ANKRD36B: variants seen among roughly 807,000 people sequenced by gnomAD.
ANKRD36B encodes ankyrin repeat domain 36B.
Under a neutral mutation model 135.7 loss-of-function variants are expected in ANKRD36B, and 37 were observed. The observed-to-expected ratio is 0.27, with a 90% CI of 0.21 to 0.36. The LOEUF is 0.36. ANKRD36B is among the 10% of genes least tolerant of loss of function. The probability of loss-of-function intolerance (pLI) is 1.00; values close to 1 mark genes in which losing one functional copy is unlikely to be tolerated. For missense variants in ANKRD36B, 549 were observed against 1,037.1 expected (o/e 0.53, Z 6.46); for synonymous variants, 179 against 348.1 (o/e 0.51, Z 5.41).
intron 4 of ANKRD36B, among the ~76,000 whole-genome samples, 199 bp from the exon 5 acceptor site, chr2:97,579,242 T>C (rs1297224448): frequency 6.7e-6 from 1 of 148,216 alleles, no homozygotes; most frequent in South Asian, 2.1e-4. Flanking sequence ...AAAGGAAGCC[T>C]CTTGTCCCAC....
At position 97,554,964 on chromosome 2, in the gene ANKRD36B, G is replaced by A; in HGVS notation, c.1171+96C>T. ...TCTCTGGCCTGCTGAATCAGAATGT[G>A]CAGCTTTGATGAGCCCCCCCACTGA... On this transcript the variant is annotated intron_variant, in intron 14 of 43. Transcript: ENST00000359901. 5 of 1,439,822 alleles carry A rather than the reference G, an allele frequency of 3.5e-6. No individual in the cohort carries two copies. The South Asian group carries it at 6.1e-5, about 18-fold the overall frequency. 89.2% of individuals were successfully genotyped at this position (1,439,822 alleles called of 1,614,324 possible). A position where few individuals can be genotyped will look rare whatever the true frequency, so the allele number is the denominator to read the frequency against.
At chr2:97,542,250 G>A in intron 26 of ANKRD36B, 143 bp from the exon 27 acceptor site, 1 of 324,898 alleles carries the variant, frequency 3.1e-6, no homozygotes, top group South Asian at 2.4e-5. Context: ...GTTTTGGGAT[G>A]GGAACATGAC....
At position 97,539,520 on chromosome 2, in the gene ANKRD36B, CA is replaced by C. The variant is rs1214865567; in HGVS notation, c.1987+513del. 2.1e-5 allele frequency among the ~76,000 whole-genome samples: 2 copies of C among 96,090 alleles called. 1 individual carries two copies. Among genetic ancestry groups the C allele is most frequent in the African/African-American group, 6.2e-5 (2 of 32,106 alleles). The allele number at this position is 96,090 out of a possible 152,430, so 63.0% of individuals were successfully genotyped here. On this transcript the variant is annotated intron_variant, in intron 30 of 43. Coordinates refer to ENST00000359901, the MANE Select transcript of ANKRD36B (RefSeq NM_001393939.1). ...TGAACACAAGTTTCCTCAGAAGAAA[CA>C]ACAAAATTACCTAAATAACTTCTTA...
intron 20 of ANKRD36B, among the ~76,000 whole-genome samples, chr2:97,548,781 C>G (rs1252468850): frequency 2.0e-5 from 3 of 151,910 alleles, no homozygotes; most frequent in African/African-American, 7.2e-5. Context: ...GTTTTTATGC[C>G]AATTCTAGGA....
intron 6 of ANKRD36B, among the ~76,000 whole-genome samples, chr2:97,572,357 C>T (rs1003518656): frequency 6.9e-6 from 1 of 144,510 alleles, no homozygotes; most frequent in Non-Finnish European, 1.5e-5. Flanking sequence ...AATATTCCAG[C>T]TAAGTAACAG....
Position 97,567,362 on chromosome 2 carries a change from C to A in ANKRD36B, c.764-6502G>T, listed in dbSNP as rs564775177. 8.3e-4 allele frequency among the ~76,000 whole-genome samples: 125 copies of A among 150,466 alleles called. 1 individual carries two copies. Among genetic ancestry groups the A allele is most frequent in the Non-Finnish European group, 1.5e-3 (103 of 67,580 alleles). On this transcript the variant is annotated intron_variant, in intron 6 of 43. Transcript: ENST00000359901. ...AGGCATGACTGATTAATTGAACATT[C>A]AGCCCCTCTCACATCCCAGGAGGTG... is the stretch of plus-strand genomic sequence containing the variant.
Position 97,582,915 on chromosome 2 carries a change from G to A in ANKRD36B, c.450+2029C>T, listed in dbSNP as rs2442297. Among the ~76,000 whole-genome samples, 58 of 149,372 alleles carry A rather than the reference G, an allele frequency of 3.9e-4. No individual in the cohort carries two copies. In the East Asian group the frequency reaches 9.4e-3, roughly 24 times the overall value. On this transcript the variant is annotated intron_variant, in intron 3 of 43. Coordinates refer to ENST00000359901, the MANE Select transcript of ANKRD36B (RefSeq NM_001393939.1). ...TCACCAAATGGATAATTAGTTCATA[G>A]GACTGCTGCAACTAAATTATTAAAA...
At chr2:97,562,766 A>G (rs2081142013) in intron 6 of ANKRD36B, among the ~76,000 whole-genome samples, 1 of 152,064 alleles carries the variant, frequency 6.6e-6, no homozygotes, top group Non-Finnish European at 1.5e-5. Flanking sequence ...ACATGTGAAG[A>G]TAAGGTTTTG....
At chr2:97,559,088 C>T in intron 8 of ANKRD36B, 94 bp from the exon 9 acceptor site, 1 of 1,551,374 alleles carries the variant, frequency 6.4e-7, no homozygotes, top group Non-Finnish European at 8.7e-7. Flanking sequence ...CTGTATCTTC[C>T]TGCCTGTACT....
Position 97,551,483 on chromosome 2 carries a change from G to C in ANKRD36B, c.1274-3C>G, listed in dbSNP as rs775638992. 3 of 1,607,618 alleles carry C rather than the reference G, an allele frequency of 1.9e-6. No individual in the cohort carries two copies. The African/African-American group carries it at 4.0e-5, about 22-fold the overall frequency. On this transcript the variant is annotated splice_region_variant and splice_polypyrimidine_tract_variant and intron_variant, in intron 16 of 43. Transcript: ENST00000359901. ...GGCTGGTTTTTTCTGAGAAGACACT[G>C]AAAAGCAAAAGGGATACATAATCAC...
At chr2:97,534,949 A>G (rs1435782088) in intron 34 of ANKRD36B, among the ~76,000 whole-genome samples, 3 of 97,022 alleles carry the variant, frequency 3.1e-5, no homozygotes, top group African/African-American at 9.2e-5. Flanking sequence ...CAACAGAAAA[A>G]TGGGTTCTAA....
chr2:97,527,353 A>C (rs1294143917), intron 35 of ANKRD36B, among the ~76,000 whole-genome samples: 4 of 94,732 alleles, frequency 4.2e-5, no homozygotes, highest in African/African-American at 1.3e-4. Context: ...CAAGCAAATG[A>C]TGAGAGATTT....
At chr2:97,541,122 T>A (rs1380172154) in intron 28 of ANKRD36B, among the ~76,000 whole-genome samples, 1 of 96,674 alleles carries the variant, frequency 1.0e-5, no homozygotes, top group Non-Finnish European at 2.8e-5. Context: ...AGAAGTTTCA[T>A]CCAATAGCTA....
At position 97,541,149 on chromosome 2, in the gene ANKRD36B, G is replaced by T. The variant is rs1422274500; in HGVS notation, c.1885+762C>A. Reference sequence around the variant, plus strand: ...CAATAGCTATTTTACCCAAGAGTTAGCTCCTTGAACAACGAAGCCAATGTA... The same window carrying T: ...CAATAGCTATTTTACCCAAGAGTTATCTCCTTGAACAACGAAGCCAATGTA... On this transcript the variant is annotated intron_variant, in intron 28 of 43. Coordinates refer to ENST00000359901, the MANE Select transcript of ANKRD36B (RefSeq NM_001393939.1). 3.1e-5 allele frequency among the ~76,000 whole-genome samples: 3 copies of T among 96,296 alleles called. 1 individual carries two copies. The highest frequency in any genetic ancestry group is 9.3e-5 in the African/African-American group (3 of 32,264). 63.2% of individuals were successfully genotyped at this position (96,296 alleles called of 152,430 possible).
At chr2:97,587,005 C>A (rs1386087147) in intron 1 of ANKRD36B, among the ~76,000 whole-genome samples, 1 of 152,108 alleles carries the variant, frequency 6.6e-6, no homozygotes, top group South Asian at 2.1e-4. Context: ...GAAACCCCGT[C>A]TTTACTAAAA....
chr2:97,563,261 T>C (rs1019816872), intron 6 of ANKRD36B, among the ~76,000 whole-genome samples: 4 of 151,870 alleles, frequency 2.6e-5, no homozygotes, highest in African/African-American at 9.7e-5. Context: ...GTAATTGACA[T>C]GAAAAATGAA....
At chr2:97,535,922 G>A (rs1297216219) in intron 34 of ANKRD36B, among the ~76,000 whole-genome samples, 1 of 91,914 alleles carries the variant, frequency 1.1e-5, no homozygotes, top group African/African-American at 3.2e-5. Context: ...AAAATTAGCC[G>A]GGCATGGTGG....
At chr2:97,554,266 T>A (rs2104695666) in intron 14 of ANKRD36B, among the ~76,000 whole-genome samples, 2 of 152,104 alleles carry the variant, frequency 1.3e-5, no homozygotes, top group African/African-American at 4.8e-5. Flanking sequence ...CTCTAAATAA[T>A]ATTCATTAAA....
intron 35 of ANKRD36B, among the ~76,000 whole-genome samples, chr2:97,531,364 C>T (rs1160176895): frequency 1.7e-5 from 1 of 58,724 alleles, no homozygotes; most frequent in Non-Finnish European, 4.1e-5. Flanking sequence ...AACGAGAACA[C>T]GTGGACACAG....
Sources: allele counts gnomAD v4.1 joint callset (sites outside exome capture counted in the v4.1 genomes callset), GRCh38; gene constraint gnomAD v4.1.1; transcripts MANE v1.5; gene names NCBI Gene and HGNC (gene_info 2026-07-23, HGNC 2026-07-21).